The following AFF3 variants were observed in gnomAD, a reference collection of about 807,000 sequenced individuals.
AFF3 encodes AF4/FMR2 family member 3.
In AFF3, 32 loss-of-function variants were observed where a neutral mutation model predicts 129.7. The ratio of observed to expected loss-of-function variants is 0.25; its 90% CI spans 0.19 to 0.33. The LOEUF is 0.33. Among genes scored for constraint, AFF3 ranks in the 10% least tolerant of loss-of-function variants. AFF3 has a pLI of 1.00. For synonymous variants in AFF3, 644 were observed against 635.4 expected (o/e 1.01, Z -0.20); for missense variants, 1,373 against 1,592.0 (o/e 0.86, Z 2.34).
chr2:99,701,039 T>C (rs1469030002), intron 11 of AFF3, among the ~76,000 whole-genome samples: 3 of 152,190 alleles, frequency 2.0e-5, no homozygotes, highest in African/African-American at 7.2e-5. Context: ...ACTGACAGCA[T>C]GTCCAGGACC....
chr2:99,968,570 T>G (rs1170641521), intron 7 of AFF3, among the ~76,000 whole-genome samples: 1 of 152,236 alleles, frequency 6.6e-6, no homozygotes, highest in East Asian at 1.9e-4. Flanking sequence ...GATAATTTAG[T>G]TGACATTTCT....
chr2:99,690,792 A>G (rs1348605355), intron 11 of AFF3, among the ~76,000 whole-genome samples: 1 of 151,436 alleles, frequency 6.6e-6, no homozygotes, highest in East Asian at 1.9e-4. Flanking sequence ...TTTTTTTTCA[A>G]AAAAAGAAAA....
At position 99,837,627 on chromosome 2, in the gene AFF3, C is replaced by T. The variant is rs531581361; in HGVS notation, c.874-103G>A. 1.5e-4 allele frequency: 152 copies of T among 1,046,284 alleles called. No homozygotes were observed. In the African/African-American group the frequency reaches 2.0e-3, roughly 14 times the overall value. 64.8% of individuals were successfully genotyped at this position (1,046,284 alleles called of 1,614,324 possible). A position where few individuals can be genotyped will look rare whatever the true frequency, so the allele number is the denominator to read the frequency against. On this transcript the variant is annotated intron_variant, in intron 7 of 24. Coordinates refer to ENST00000672756, the MANE Select transcript of AFF3 (RefSeq NM_001386135.1). Reference sequence around the variant, plus strand: ...AGTCCCCCCCAACAAAAAAATTCAGCGAGTTACAGGTTGAGGGGATGCCTG... The same window carrying T: ...AGTCCCCCCCAACAAAAAAATTCAGTGAGTTACAGGTTGAGGGGATGCCTG...
Position 99,583,012 on chromosome 2 carries a change from ATTACGGTAATGGAATG to A in AFF3, c.2592-29_2592-14del, listed in dbSNP as rs753008260. 11 of 1,611,296 alleles carry A rather than the reference ATTACGGTAATGGAATG, an allele frequency of 6.8e-6. 1 individual carries two copies. In the South Asian group the frequency reaches 1.2e-4, roughly 18 times the overall value. ...TGGTATTGCCACACTGAAAAAGGAAATTACGGTAATGGAATGTTACAGAGTCAGCACAGGGAAAGGT... is the reference window on the plus strand; with the variant it reads ...TGGTATTGCCACACTGAAAAAGGAAATTACAGAGTCAGCACAGGGAAAGGT... On this transcript the variant is annotated splice_polypyrimidine_tract_variant and intron_variant, in intron 16 of 24. Transcript: ENST00000672756.
intron 11 of AFF3, among the ~76,000 whole-genome samples, chr2:99,723,706 C>T (rs1679106840): frequency 6.6e-6 from 1 of 152,160 alleles, no homozygotes; most frequent in African/African-American, 2.4e-5. Flanking sequence ...CTTAATGTTA[C>T]AGGCCAAACT....
intron 10 of AFF3, among the ~76,000 whole-genome samples, chr2:99,733,611 C>T (rs919343383): frequency 6.6e-6 from 1 of 151,704 alleles, no homozygotes; most frequent in African/African-American, 2.4e-5. Context: ...TAAAAAATAC[C>T]TGGATTGGTT....
At chr2:99,707,645 A>G in intron 11 of AFF3, 1 of 985,202 alleles carries the variant, frequency 1.0e-6, no homozygotes, top group Non-Finnish European at 1.2e-6. Context: ...TCACATTCCA[A>G]ATCTTTCCAT....
At chr2:99,674,777 T>C (rs1687462328) in intron 11 of AFF3, among the ~76,000 whole-genome samples, 1 of 152,176 alleles carries the variant, frequency 6.6e-6, no homozygotes, top group Admixed American at 6.5e-5. Context: ...AAGCCCAACA[T>C]GGCCCGAAGT....
At chr2:99,946,740 T>C (rs1675613271) in intron 7 of AFF3, among the ~76,000 whole-genome samples, 1 of 152,188 alleles carries the variant, frequency 6.6e-6, no homozygotes, top group Non-Finnish European at 1.5e-5. Context: ...AATGGTCTGT[T>C]GGAGGAAACA....
At chr2:99,564,614 G>A (rs1304856343) in intron 20 of AFF3, among the ~76,000 whole-genome samples, 1 of 152,054 alleles carries the variant, frequency 6.6e-6, no homozygotes, top group Non-Finnish European at 1.5e-5. Flanking sequence ...GAGGGAAAGT[G>A]GTGTGTAAAA....
Position 99,551,128 on chromosome 2 carries a change from T to C in AFF3, c.*346A>G. On this transcript the variant is annotated 3_prime_UTR_variant, in exon 25 of 25. Transcript: ENST00000672756. ...GCACTGGAATGGAATAGAAAGTGTG[T>C]GTCTGTGATTGTGTGTGAGTGTACG... is the stretch of plus-strand genomic sequence containing the variant. The C allele has an allele frequency of 2.3e-6, 1 of 436,034 alleles. No homozygotes were observed. Among genetic ancestry groups the C allele is most frequent in the East Asian group, 3.2e-5 (1 of 31,612 alleles). The allele number at this position is 436,034 out of a possible 1,614,324, so 27.0% of individuals were successfully genotyped here.
At chr2:99,644,825 G>A (rs1289469436) in intron 13 of AFF3, among the ~76,000 whole-genome samples, 3 of 152,138 alleles carry the variant, frequency 2.0e-5, no homozygotes, top group East Asian at 1.9e-4. Context: ...CCACATTGGC[G>A]GTGATGTGGC....
rs116174727 is a variant in AFF3 at position 100,119,945 on chromosome 2, T to C, written c.-145+9279A>G. Among the ~76,000 whole-genome samples the C allele has an allele frequency of 2.4e-3, 365 of 152,342 alleles. 3 individuals carry two copies. The highest frequency in any genetic ancestry group is 8.2e-3 in the African/African-American group (342 of 41,568). On this transcript the variant is annotated intron_variant, in intron 2 of 24. Coordinates refer to ENST00000672756, the MANE Select transcript of AFF3 (RefSeq NM_001386135.1). ...TCTGTTAGAATGGAGTAGATTACGC[T>C]TCTAAAGACTATCCTGATGGGGATA...
chr2:99,605,795 T>C (rs1680273473), intron 13 of AFF3, among the ~76,000 whole-genome samples: 1 of 151,918 alleles, frequency 6.6e-6, no homozygotes, highest in Non-Finnish European at 1.5e-5. Flanking sequence ...CAATCATCCC[T>C]CCTCAGCCTC....
chr2:99,839,779 T>C (rs1689178685), intron 7 of AFF3, among the ~76,000 whole-genome samples: 1 of 151,912 alleles, frequency 6.6e-6, no homozygotes. Context: ...GCCCGGCTAA[T>C]TTTTTTATTT....
intron 12 of AFF3, among the ~76,000 whole-genome samples, chr2:99,657,870 A>G (rs987826729): frequency 2.0e-5 from 3 of 152,242 alleles, no homozygotes; most frequent in African/African-American, 7.2e-5. Context: ...TCTGTTATCA[A>G]CAGAGTGATC....
intron 4 of AFF3, among the ~76,000 whole-genome samples, chr2:100,053,186 C>T (rs1269119713): frequency 6.6e-6 from 1 of 152,218 alleles, no homozygotes; most frequent in African/African-American, 2.4e-5. Flanking sequence ...TTATGTTTTA[C>T]TCAAAAGTCA....
chr2:99,555,862 T>C (rs1229679861), intron 22 of AFF3, among the ~76,000 whole-genome samples: 2 of 152,156 alleles, frequency 1.3e-5, no homozygotes, highest in Non-Finnish European at 2.9e-5. Context: ...AAGATGTAAA[T>C]GTAAGGACAA....
rs1691060910 is a variant in AFF3 at position 100,104,506 on chromosome 2, G to C, written c.-52C>G. The C allele has an allele frequency of 1.6e-6, 2 of 1,278,416 alleles. No individual in the cohort carries two copies. The highest frequency in any genetic ancestry group is 2.0e-6 in the Non-Finnish European group (2 of 986,988). The allele number at this position is 1,278,416 out of a possible 1,614,324, so 79.2% of individuals were successfully genotyped here. On this transcript the variant is annotated 5_prime_UTR_variant, in exon 4 of 25. Coordinates refer to ENST00000672756, the MANE Select transcript of AFF3 (RefSeq NM_001386135.1). ...CCGCTACCGCCGCCGCCGAGGCTCG[G>C]GCCGCCCGCGCGCTGCAACGAAAGG...
Sources: gnomAD v4.1 joint callset for allele counts (sites outside exome capture counted in the v4.1 genomes callset) on GRCh38, gnomAD v4.1.1 for gene constraint, MANE v1.5 for transcripts, NCBI Gene and HGNC (gene_info 2026-07-23, HGNC 2026-07-21) for gene names.